The following LUZP2 variants were observed in gnomAD, a reference collection of about 807,000 sequenced individuals.
LUZP2 encodes leucine zipper protein 2.
LUZP2 carries 52 observed loss-of-function variants against 51.6 expected under a neutral mutation model. The observed-to-expected ratio is 1.01, with a 90% CI of 0.81 to 1.27. The LOEUF (loss-of-function observed/expected upper bound fraction) is 1.27, where lower values mean the gene tolerates loss of function less well. Among genes scored for constraint, LUZP2 ranks in the 50% most tolerant of loss-of-function variants. The pLI is 0.00. For synonymous variants in LUZP2, 154 were observed against 137.3 expected, an observed-to-expected ratio of 1.12 and a Z score of -0.85; for missense variants, 436 against 395.4, an observed-to-expected ratio of 1.10 and a Z score of -0.87.
At chr11:24,512,757 T>G (rs1457281492) in intron 1 of LUZP2, among the ~76,000 whole-genome samples, 1 of 151,782 alleles carries the variant, frequency 6.6e-6, no homozygotes, top group East Asian at 1.9e-4. Context: ...TTCTTTGTTT[T>G]TTTTTTTTTG....
chr11:24,880,930 G>A (rs1198275124), intron 5 of LUZP2, among the ~76,000 whole-genome samples: 1 of 152,062 alleles, frequency 6.6e-6, no homozygotes, highest in Non-Finnish European at 1.5e-5. Flanking sequence ...TCTGTACTAT[G>A]GAAAGCACTT....
At chr11:25,040,343 ATTTTTT>A (rs57668112) in intron 9 of LUZP2, among the ~76,000 whole-genome samples, 3 of 98,822 alleles carry the variant, frequency 3.0e-5, no homozygotes, top group Non-Finnish European at 5.4e-5. Flanking sequence ...TTTCTTTCCG[ATTTTTT>A]TTTTTTTTTT....
chr11:24,564,269 A>G (rs771605387), intron 1 of LUZP2, among the ~76,000 whole-genome samples: 12 of 152,122 alleles, frequency 7.9e-5, no homozygotes, highest in Non-Finnish European at 1.6e-4. Context: ...TTTTTCTTCT[A>G]TCTCTTTTAA....
intron 1 of LUZP2, among the ~76,000 whole-genome samples, chr11:24,575,098 T>G (rs569612943): frequency 3.9e-4 from 59 of 152,264 alleles, no homozygotes; most frequent in African/African-American, 1.4e-3. Flanking sequence ...TCTTACCTTT[T>G]TAAGCTTCGA....
At chr11:25,049,459 TTTTC>T (rs1858423529) in intron 9 of LUZP2, among the ~76,000 whole-genome samples, 4 of 151,940 alleles carry the variant, frequency 2.6e-5, no homozygotes, top group Non-Finnish European at 5.9e-5. Context: ...TTTTCTTTTC[TTTTC>T]TTTATTCTCT....
At chr11:24,779,542 T>C (rs1227909484) in intron 5 of LUZP2, among the ~76,000 whole-genome samples, 1 of 152,192 alleles carries the variant, frequency 6.6e-6, no homozygotes, top group Non-Finnish European at 1.5e-5. Context: ...TTGTTTTTCA[T>C]AATAAATGTA....
intron 9 of LUZP2, among the ~76,000 whole-genome samples, chr11:25,047,641 C>G (rs1858355043): frequency 6.6e-6 from 1 of 152,066 alleles, no homozygotes; most frequent in Non-Finnish European, 1.5e-5. Flanking sequence ...TCTCTTCCAT[C>G]ACCAGGATTT....
At chr11:24,529,619 T>A (rs932760080) in intron 1 of LUZP2, among the ~76,000 whole-genome samples, 4 of 151,116 alleles carry the variant, frequency 2.6e-5, no homozygotes, top group Admixed American at 6.6e-5. Context: ...ATACCTAATA[T>A]TAAATTATAA....
intron 9 of LUZP2, among the ~76,000 whole-genome samples, chr11:25,042,630 G>A (rs1043082378): frequency 6.6e-6 from 1 of 152,042 alleles, no homozygotes; most frequent in Admixed American, 6.6e-5. Context: ...AAATCTAAAG[G>A]CTAGAAATCT....
chr11:24,756,220 T>TG (rs1046079985), intron 4 of LUZP2, among the ~76,000 whole-genome samples: 3 of 152,306 alleles, frequency 2.0e-5, no homozygotes, highest in African/African-American at 7.2e-5. Context: ...GTACCTCACA[T>TG]GTATTGATAC....
At chr11:24,589,814 T>C (rs1455828170) in intron 1 of LUZP2, among the ~76,000 whole-genome samples, 3 of 152,196 alleles carry the variant, frequency 2.0e-5, no homozygotes, top group Non-Finnish European at 4.4e-5. Flanking sequence ...GGCTTATAAT[T>C]GGATGTTGAA....
At chr11:24,720,470 A>C (rs781595839) in intron 1 of LUZP2, among the ~76,000 whole-genome samples, 1 of 152,230 alleles carries the variant, frequency 6.6e-6, no homozygotes, top group Admixed American at 6.5e-5. Context: ...TGTGAGATGG[A>C]TCAATGCAAT....
intron 9 of LUZP2, among the ~76,000 whole-genome samples, chr11:24,996,785 C>T (rs1462962105): frequency 6.6e-6 from 1 of 151,838 alleles, no homozygotes; most frequent in Non-Finnish European, 1.5e-5. Context: ...CACCCCACAA[C>T]AGTCTCCAGA....
chr11:24,573,610 A>G (rs969561435), intron 1 of LUZP2, among the ~76,000 whole-genome samples: 93 of 151,988 alleles, frequency 6.1e-4, no homozygotes, highest in African/African-American at 2.1e-3. Context: ...TTACATACTC[A>G]GTGCCCCATT....
chr11:24,549,274 G>A (rs145153750), intron 1 of LUZP2, among the ~76,000 whole-genome samples: 35 of 152,110 alleles, frequency 2.3e-4, no homozygotes, highest in Admixed American at 6.6e-4. Flanking sequence ...GCCCTCACTG[G>A]GTGAGGATTA....
intron 7 of LUZP2, among the ~76,000 whole-genome samples, chr11:24,924,817 G>T (rs1023986497): frequency 6.6e-6 from 1 of 152,130 alleles, no homozygotes; most frequent in African/African-American, 2.4e-5. Context: ...ATTGGCAATT[G>T]GTTAAAAGAG....
At chr11:24,793,220 T>A (rs1590538295) in intron 5 of LUZP2, among the ~76,000 whole-genome samples, 1 of 152,298 alleles carries the variant, frequency 6.6e-6, no homozygotes, top group Non-Finnish European at 1.5e-5. Context: ...TATTTCAACC[T>A]TTCCTTGTGT....
intron 4 of LUZP2, among the ~76,000 whole-genome samples, chr11:24,741,266 A>T (rs1167557829): frequency 6.6e-6 from 1 of 152,018 alleles, no homozygotes; most frequent in East Asian, 1.9e-4. Context: ...CTTTATGGGA[A>T]TCAGACATAT....
At chr11:24,786,392 A>G (rs1241950096) in intron 5 of LUZP2, 1 of 981,974 alleles carries the variant, frequency 1.0e-6, no homozygotes, top group African/African-American at 1.8e-5. Context: ...ATAATATGGG[A>G]TGTTTTTCTT....
Sources: allele counts gnomAD v4.1 joint callset (sites outside exome capture counted in the v4.1 genomes callset), GRCh38; gene constraint gnomAD v4.1.1; transcripts MANE v1.5; gene names NCBI Gene and HGNC (gene_info 2026-07-23, HGNC 2026-07-21).